Variants in ERC1 observed in about 807,000 individuals in gnomAD.
ERC1 encodes the protein RAB6 interacting protein 2.
In ERC1, 56 loss-of-function variants were observed where a neutral mutation model predicts 132.0. The ratio of observed to expected loss-of-function variants is 0.42; its 90% CI spans 0.34 to 0.53. The LOEUF (loss-of-function observed/expected upper bound fraction) is 0.53. ERC1 is among the 20% of genes least tolerant of loss of function. The probability of loss-of-function intolerance (pLI) is 0.03; values close to 1 mark genes in which losing one functional copy is unlikely to be tolerated. For missense variants in ERC1, 1,202 were observed against 1,349.9 expected, an observed-to-expected ratio of 0.89 and a Z score of 1.72; for synonymous variants, 478 against 476.1, an observed-to-expected ratio of 1.00 and a Z score of -0.05.
At chr12:1,208,379 T>C (rs548061698) in intron 12 of ERC1, among the ~76,000 whole-genome samples, 1 of 152,212 alleles carries the variant, frequency 6.6e-6, no homozygotes, top group East Asian at 1.9e-4. Context: ...CATCAACTAT[T>C]ATTAGTGTTA....
At chr12:1,220,122 C>T (rs577928878) in intron 12 of ERC1, among the ~76,000 whole-genome samples, 2 of 152,300 alleles carry the variant, frequency 1.3e-5, no homozygotes, top group South Asian at 2.1e-4. Context: ...CTCTGTGCCT[C>T]TTCTCCTAGA....
At chr12:1,157,444 A>G (rs1951510074) in intron 8 of ERC1, among the ~76,000 whole-genome samples, 1 of 152,212 alleles carries the variant, frequency 6.6e-6, no homozygotes, top group Non-Finnish European at 1.5e-5. Flanking sequence ...TAAAATTTAT[A>G]TATTGCCGTA....
At chr12:1,399,082 A>T (rs73026459) in intron 16 of ERC1, among the ~76,000 whole-genome samples, 4,624 of 151,532 alleles carry the variant, frequency 0.031, 76 homozygotes, top group Middle Eastern at 0.075. Flanking sequence ...AGTACCTGGG[A>T]CTACACACAG....
At chr12:1,438,039 C>T (rs1366347546) in intron 17 of ERC1, among the ~76,000 whole-genome samples, 1 of 135,972 alleles carries the variant, frequency 7.4e-6, no homozygotes, top group African/African-American at 3.8e-5. Context: ...AACGTTTATT[C>T]ATCTCAGTGA....
intron 5 of ERC1, 105 bp downstream of exon 5, chr12:1,110,452 A>T: frequency 1.1e-6 from 1 of 919,930 alleles, no homozygotes; most frequent in Non-Finnish European, 1.6e-6. Flanking sequence ...CTCTTTTATC[A>T]GGTTTCAGGG....
intron 15 of ERC1, among the ~76,000 whole-genome samples, chr12:1,347,353 T>A (rs2084574708): frequency 1.3e-5 from 2 of 152,180 alleles, no homozygotes. Context: ...TTTTTTAAAC[T>A]GACAAATAAA....
intron 18 of ERC1, among the ~76,000 whole-genome samples, chr12:1,454,026 G>T (rs2093478294): frequency 6.6e-6 from 1 of 152,102 alleles, no homozygotes; most frequent in Non-Finnish European, 1.5e-5. Context: ...CCCTGTGATA[G>T]ATGGTTGGGA....
chr12:1,138,969 T>C (rs975990328), intron 7 of ERC1, among the ~76,000 whole-genome samples: 3 of 152,204 alleles, frequency 2.0e-5, no homozygotes, highest in Non-Finnish European at 4.4e-5. Context: ...GTTTCCCACA[T>C]TGCCGTGAGA....
At chr12:1,022,082 TC>T (rs1966472929) in intron 1 of ERC1, among the ~76,000 whole-genome samples, 1 of 152,190 alleles carries the variant, frequency 6.6e-6, no homozygotes, top group Non-Finnish European at 1.5e-5. Context: ...ATTTTAGAGA[TC>T]CTATCTCTAT....
chr12:1,191,296 AAC>A (rs1407245046), intron 12 of ERC1, among the ~76,000 whole-genome samples: 1 of 152,060 alleles, frequency 6.6e-6, no homozygotes, highest in African/African-American at 2.4e-5. Context: ...CCTTCCCCAC[AAC>A]ACACACATGT....
intron 15 of ERC1, among the ~76,000 whole-genome samples, chr12:1,339,977 G>C (rs551948422): frequency 6.6e-6 from 1 of 152,248 alleles, no homozygotes; most frequent in East Asian, 1.9e-4. Context: ...ATCTGTCCAC[G>C]TACACATGTG....
intron 12 of ERC1, among the ~76,000 whole-genome samples, chr12:1,207,633 T>A (rs1240827127): frequency 6.6e-6 from 1 of 152,136 alleles, no homozygotes; most frequent in Non-Finnish European, 1.5e-5. Flanking sequence ...GGAAAAAAAA[T>A]ACGTGAATGC....
intron 7 of ERC1, among the ~76,000 whole-genome samples, chr12:1,132,885 C>T (rs772422105): frequency 4.6e-5 from 7 of 150,634 alleles, no homozygotes; most frequent in Non-Finnish European, 7.4e-5. Flanking sequence ...GACGGAGTTT[C>T]GCTCTTGTCA....
intron 12 of ERC1, among the ~76,000 whole-genome samples, chr12:1,235,295 G>A (rs1433980734): frequency 6.6e-6 from 1 of 152,224 alleles, no homozygotes; most frequent in Non-Finnish European, 1.5e-5. Context: ...GGGGGTCAAG[G>A]CTGCAGTGAG....
intron 15 of ERC1, among the ~76,000 whole-genome samples, chr12:1,333,522 G>A (rs200371451): frequency 2.0e-5 from 3 of 151,678 alleles, no homozygotes; most frequent in East Asian, 1.9e-4. Context: ...TAGTAGAGAC[G>A]GGGTTTCACC....
chr12:1,154,202 G>A (rs1447982768), intron 8 of ERC1, among the ~76,000 whole-genome samples: 1 of 122,154 alleles, frequency 8.2e-6, no homozygotes, highest in East Asian at 2.2e-4. Context: ...AGTATTCCAT[G>A]GTGTGTGTGT....
chr12:1,375,029 A>G (rs1032520887), intron 16 of ERC1, among the ~76,000 whole-genome samples: 4 of 152,148 alleles, frequency 2.6e-5, no homozygotes, highest in African/African-American at 9.7e-5. Context: ...ACAAAAGCAC[A>G]GTGCTCGTCT....
At chr12:1,126,109 T>C (rs1002150631) in intron 7 of ERC1, among the ~76,000 whole-genome samples, 1 of 152,214 alleles carries the variant, frequency 6.6e-6, no homozygotes, top group Admixed American at 6.5e-5. Flanking sequence ...CTTAAAATGA[T>C]TGAGATAGCA....
chr12:1,006,494 C>T (rs1280409005), intron 1 of ERC1, among the ~76,000 whole-genome samples: 1 of 152,046 alleles, frequency 6.6e-6, no homozygotes, highest in Non-Finnish European at 1.5e-5. Context: ...AGTGATCTAC[C>T]CACCTTGCCT....
Sources: allele counts gnomAD v4.1 joint callset (sites outside exome capture counted in the v4.1 genomes callset), GRCh38; gene constraint gnomAD v4.1.1; transcripts MANE v1.5; gene names NCBI Gene and HGNC (gene_info 2026-07-23, HGNC 2026-07-21).